Variants in HPS5 observed in about 807,000 individuals in gnomAD.
HPS5 encodes HPS5 biogenesis of lysosomal organelles complex 2 subunit 2.
In HPS5, 83 loss-of-function variants were observed where a neutral mutation model predicts 128.0. The ratio of observed to expected loss-of-function variants is 0.65; its 90% confidence interval spans 0.54 to 0.78. The LOEUF (loss-of-function observed/expected upper bound fraction) is 0.78. HPS5 is among the 30% of genes least tolerant of loss of function. The probability of loss-of-function intolerance (pLI) is 0.00; values close to 1 mark genes in which losing one functional copy is unlikely to be tolerated. For synonymous variants in HPS5, 475 were observed against 470.2 expected (o/e 1.01, Z -0.13); for missense variants, 1,281 against 1,326.2 (o/e 0.97, Z 0.53).
intron 7 of HPS5, among the ~76,000 whole-genome samples, chr11:18,305,724 A>C (rs371937164): frequency 3.4e-5 from 5 of 146,588 alleles, no homozygotes; most frequent in African/African-American, 1.3e-4. Flanking sequence ...GAAAAGATAG[A>C]ATAAAATCTT....
intron 16 of HPS5, 82 bp downstream of exon 16, chr11:18,291,360 T>C: frequency 1.2e-6 from 1 of 841,748 alleles, no homozygotes; most frequent in Non-Finnish European, 2.0e-6. Flanking sequence ...TACTTAAATC[T>C]TTTTTTTAAA....
chr11:18,312,480 G>A (rs950218719), intron 2 of HPS5, among the ~76,000 whole-genome samples: 4 of 152,232 alleles, frequency 2.6e-5, no homozygotes, highest in Admixed American at 6.5e-5. Flanking sequence ...GACTCCATCA[G>A]AGAATGCAGT....
At chr11:18,289,257 G>T (rs962759768) in intron 16 of HPS5, among the ~76,000 whole-genome samples, 1 of 152,134 alleles carries the variant, frequency 6.6e-6, no homozygotes, top group African/African-American at 2.4e-5. Context: ...TACTTTAAAG[G>T]AATTCAGAGG....
intron 8 of HPS5, among the ~76,000 whole-genome samples, chr11:18,303,719 G>A (rs1436948936): frequency 6.6e-6 from 1 of 152,084 alleles, no homozygotes. Context: ...CAGGCGTGGT[G>A]GCGTGCGCCT....
rs1236371776 is a variant in HPS5 at position 18,281,255 on chromosome 11, A to AT, written c.3329+694dup. Among the ~76,000 whole-genome samples, 2,670 of 99,940 alleles carry AT rather than the reference A, an allele frequency of 0.027. 195 individuals carry two copies. In the East Asian group the frequency reaches 0.28, roughly 11 times the overall value. 65.6% of individuals were successfully genotyped at this position (99,940 alleles called of 152,430 possible). A position where few individuals can be genotyped will look rare whatever the true frequency, so the allele number is the denominator to read the frequency against. ...CACCATGTCCAGTTAATTTTTTTGC[A>AT]TTTTTTTTTTTTTTTTTTAGTAGAG... is the stretch of plus-strand genomic sequence containing the variant. On this transcript the variant is annotated intron_variant, in intron 22 of 22. Transcript: ENST00000349215.
rs549014411 is a variant in HPS5 at position 18,307,321 on chromosome 11, G to A, written c.612-974C>T. ...CTCAGATAATTCAATAACTACTTCT[G>A]TACTTAATTGCTTTATGAATAAAAT... On this transcript the variant is annotated intron_variant, in intron 6 of 22. Transcript: ENST00000349215. 9.9e-5 allele frequency among the ~76,000 whole-genome samples: 15 copies of A among 152,188 alleles called. No individual in the cohort carries two copies. In the South Asian group the frequency reaches 3.1e-3, roughly 32 times the overall value.
Position 18,297,716 on chromosome 11 carries a change from G to A in HPS5, c.1166C>T (p.Ala389Val). Residue 389 changes from alanine (A) to valine (V), a missense_variant and splice_region_variant, in exon 11 of 23, where the codon GCA (alanine) becomes GTA (valine). Physicochemically the swap from Ala to Val is moderately conservative, Grantham distance 64 (BLOSUM62 0). Coordinates refer to ENST00000349215, the MANE Select transcript of HPS5 (RefSeq NM_181507.2). ...LFQNSVIASR[A>V]RKTLTADKLE... Reference sequence around the variant, plus strand: ...TTTATCTGCAGTCAAAGTTTTTCTTGCCTAATAAAACAACAGCGCAATGGA... The same window carrying A: ...TTTATCTGCAGTCAAAGTTTTTCTTACCTAATAAAACAACAGCGCAATGGA... 1 of 1,613,518 alleles carries A rather than the reference G, an allele frequency of 6.2e-7. No homozygotes were observed. The highest frequency in any genetic ancestry group is 1.1e-5 in the South Asian group (1 of 91,082).
intron 6 of HPS5, among the ~76,000 whole-genome samples, chr11:18,307,068 T>C (rs1353998783): frequency 6.6e-6 from 1 of 152,258 alleles, no homozygotes; most frequent in East Asian, 1.9e-4. Context: ...TATGCTTTGC[T>C]TTCATAGCAC....
intron 11 of HPS5, among the ~76,000 whole-genome samples, 164 bp downstream of exon 11, chr11:18,297,392 TGGA>T (rs1861205091): frequency 1.3e-5 from 2 of 152,154 alleles, no homozygotes; most frequent in African/African-American, 4.8e-5. Flanking sequence ...CACACCTAAA[TGGA>T]GGCTTCACAG....
chr11:18,295,900 C>G, intron 13 of HPS5, 99 bp downstream of exon 13: 1 of 1,293,046 alleles, frequency 7.7e-7, no homozygotes, highest in Admixed American at 1.7e-5. Flanking sequence ...AAACAAGAGA[C>G]TTCCTTTTTC....
chr11:18,305,770 T>C (rs911060450), intron 7 of HPS5, among the ~76,000 whole-genome samples: 1 of 149,192 alleles, frequency 6.7e-6, no homozygotes, highest in Non-Finnish European at 1.5e-5. Context: ...TCTCGCTCTG[T>C]CACCCACGCT....
In HPS5 at chr11:18,296,779, C is replaced by A. The variant is rs1861122188; in HGVS notation, c.1510+19G>T. The A allele has an allele frequency of 1.9e-6, 3 of 1,612,522 alleles. No homozygotes were observed. Among genetic ancestry groups the A allele is most frequent in the Non-Finnish European group, 2.5e-6 (3 of 1,178,518 alleles). ...ATAATGGCTTCACATCAGGAACCAA[C>A]AACAGACACATTCATCACCTTCATT... is the stretch of plus-strand genomic sequence containing the variant. On this transcript the variant is annotated intron_variant, in intron 12 of 22. Transcript: ENST00000349215.
At chr11:18,292,817 T>C (rs968001580) in intron 15 of HPS5, 82 bp downstream of exon 15, 12 of 1,030,756 alleles carry the variant, frequency 1.2e-5, no homozygotes, top group Middle Eastern at 2.0e-4. Flanking sequence ...ACAAGGCCCA[T>C]AAAAAACTTA....
intron 16 of HPS5, among the ~76,000 whole-genome samples, chr11:18,290,248 C>T (rs758923604): frequency 3.9e-5 from 6 of 152,218 alleles, no homozygotes; most frequent in Non-Finnish European, 7.3e-5. Flanking sequence ...CAGCTACCCA[C>T]TGACCTGGAA....
chr11:18,314,043 C>G (rs1336445482), intron 2 of HPS5, among the ~76,000 whole-genome samples: 1 of 152,054 alleles, frequency 6.6e-6, no homozygotes, highest in African/African-American at 2.4e-5. Context: ...AACCCTATCT[C>G]TAAAAAATAT....
At chr11:18,287,837 T>A (rs1182883280) in intron 17 of HPS5, 56 bp downstream of exon 17, 13 of 1,611,746 alleles carry the variant, frequency 8.1e-6, no homozygotes, top group Non-Finnish European at 1.0e-5. Context: ...GAGACTAAAA[T>A]ACACAAAAAA....
At chr11:18,314,853 A>C (rs1863430577) in intron 2 of HPS5, among the ~76,000 whole-genome samples, 1 of 152,026 alleles carries the variant, frequency 6.6e-6, no homozygotes, top group African/African-American at 2.4e-5. Context: ...GATACCCACC[A>C]CCACGTCCAG....
chr11:18,300,236 C>T, intron 9 of HPS5, among the ~76,000 whole-genome samples: 1 of 151,858 alleles, frequency 6.6e-6, no homozygotes, highest in South Asian at 2.1e-4. Context: ...TTATGGGGTA[C>T]ATATTTATGT....
At position 18,308,950 on chromosome 11, in the gene HPS5, C is replaced by T; in HGVS notation, c.607G>A (p.Glu203Lys). 6.2e-7 allele frequency: 1 copy of T among 1,614,082 alleles called. No homozygotes were observed. Among genetic ancestry groups the T allele is most frequent in the Non-Finnish European group, 8.5e-7 (1 of 1,179,978 alleles). ...ACTAATGGTTGGTCAATATACCTCT[C>T]AGTGTCACACAAGAAGGATCGAGTA... ...SLTRSFLCDT[E>K]REKFWKIGNK... is the part of the protein sequence containing the mutation. The change falls in exon 6 of 23, where the codon GAG becomes AAG. Residue 203 changes from glutamate to lysine, a missense_variant. By Grantham distance (56) the Glu-to-Lys change is moderately conservative. Transcript: ENST00000349215.
Sources: allele counts gnomAD v4.1 joint callset (sites outside exome capture counted in the v4.1 genomes callset), GRCh38; gene constraint gnomAD v4.1.1; transcripts MANE v1.5; gene names NCBI Gene and HGNC (gene_info 2026-07-23, HGNC 2026-07-21).